The following SCAPER variants were observed in gnomAD, a reference collection of about 807,000 sequenced individuals.
SCAPER encodes S-phase cyclin A associated protein in the ER.
Under a neutral mutation model 182.2 loss-of-function variants are expected in SCAPER, and 98 were observed. The observed-to-expected ratio is 0.54, with a 90% confidence interval of 0.46 to 0.64. The LOEUF is 0.64. SCAPER is among the 30% of genes least tolerant of loss of function. The pLI is 0.00. For missense variants in SCAPER, 1,432 were observed against 1,690.0 expected, an observed-to-expected ratio of 0.85 and a Z score of 2.68; for synonymous variants, 605 against 564.6, an observed-to-expected ratio of 1.07 and a Z score of -1.01.
intron 15 of SCAPER, among the ~76,000 whole-genome samples, chr15:76,753,457 G>C (rs2062218633): frequency 6.6e-6 from 1 of 151,892 alleles, no homozygotes. Flanking sequence ...TTAGATAATA[G>C]AGTTGAATGA....
At chr15:76,865,827 TC>T (rs1161755184) in intron 2 of SCAPER, among the ~76,000 whole-genome samples, 2 of 152,264 alleles carry the variant, frequency 1.3e-5, no homozygotes, top group East Asian at 1.9e-4. Context: ...AATGTAAACA[TC>T]CGTACCCATA....
chr15:76,351,093 G>T (rs2040512782), intron 31 of SCAPER, 144 bp downstream of exon 31: 4 of 616,080 alleles, frequency 6.5e-6, no homozygotes, highest in Non-Finnish European at 1.1e-5. Context: ...TTTACTTACT[G>T]AAATATACTT....
intron 1 of SCAPER, among the ~76,000 whole-genome samples, chr15:76,889,492 G>A (rs1188015735): frequency 1.3e-5 from 2 of 151,764 alleles, no homozygotes; most frequent in Non-Finnish European, 2.9e-5. Context: ...CCAAGCAAAT[G>A]GAGAGCAAAA....
chr15:76,505,848 G>A (rs1357056569), intron 23 of SCAPER, among the ~76,000 whole-genome samples: 1 of 152,158 alleles, frequency 6.6e-6, no homozygotes, highest in Non-Finnish European at 1.5e-5. Flanking sequence ...CAACCTAAGT[G>A]TCCATCAGGA....
chr15:76,488,737 T>TGAGACGGAG (rs2051942500), intron 24 of SCAPER, among the ~76,000 whole-genome samples: 1 of 80,402 alleles, frequency 1.2e-5, no homozygotes, highest in African/African-American at 3.6e-5. Context: ...TTTTTTTTTT[T>TGAGACGGAG]TTTTTTGAGA....
In SCAPER at chr15:76,600,434, C is replaced by A. The variant is rs1358784693; in HGVS notation, c.2711+21330G>T. On this transcript the variant is annotated intron_variant, in intron 22 of 31. Transcript: ENST00000563290. ...GTGTGTGTGTGTGTGTGTGTGTATACATATACATATATATATATATTTTTT... is the reference window on the plus strand; with the variant it reads ...GTGTGTGTGTGTGTGTGTGTGTATAAATATACATATATATATATATTTTTT... 4.6e-4 allele frequency among the ~76,000 whole-genome samples: 34 copies of A among 73,598 alleles called. 9 individuals carry two copies. The highest frequency in any genetic ancestry group is 1.3e-3 in the Admixed American group (6 of 4,716). 48.3% of individuals were successfully genotyped at this position (73,598 alleles called of 152,430 possible). A position where few individuals can be genotyped will look rare whatever the true frequency, so the allele number is the denominator to read the frequency against.
chr15:76,719,112 T>C (rs577435932), intron 17 of SCAPER, among the ~76,000 whole-genome samples: 1 of 152,320 alleles, frequency 6.6e-6, no homozygotes, highest in East Asian at 1.9e-4. Context: ...ATGTTTCCTA[T>C]GGCATTATTC....
intron 22 of SCAPER, among the ~76,000 whole-genome samples, chr15:76,584,444 C>T (rs1472174039): frequency 6.7e-6 from 1 of 150,134 alleles, no homozygotes. Flanking sequence ...AGGATAAATG[C>T]TTCAGGTGGT....
intron 14 of SCAPER, among the ~76,000 whole-genome samples, chr15:76,762,815 T>C (rs1387280750): frequency 6.6e-6 from 1 of 152,008 alleles, no homozygotes; most frequent in Non-Finnish European, 1.5e-5. Context: ...TAACTGATAA[T>C]TTTTTTGTTG....
chr15:76,707,867 G>A (rs1174437451), intron 17 of SCAPER, among the ~76,000 whole-genome samples: 1 of 150,294 alleles, frequency 6.7e-6, no homozygotes, highest in East Asian at 2.0e-4. Context: ...CTCAATAAAT[G>A]TAAAAGCAAT....
intron 23 of SCAPER, among the ~76,000 whole-genome samples, chr15:76,536,402 C>T (rs1053097432): frequency 2.3e-4 from 35 of 152,134 alleles, no homozygotes; most frequent in African/African-American, 7.0e-4. Flanking sequence ...CTGCCACTTG[C>T]GGTGTGACCT....
At chr15:76,579,262 T>C (rs567835639) in intron 22 of SCAPER, among the ~76,000 whole-genome samples, 837 of 18,906 alleles carry the variant, frequency 0.044, 12 homozygotes, top group African/African-American at 0.096. Context: ...CGAGACTCTG[T>C]CTCAAAAAAA....
At chr15:76,399,684 A>C (rs2044320841) in intron 27 of SCAPER, among the ~76,000 whole-genome samples, 1 of 152,178 alleles carries the variant, frequency 6.6e-6, no homozygotes, top group Non-Finnish European at 1.5e-5. Context: ...ACAAATTCTG[A>C]CATCCAAATC....
chr15:76,757,348 TTC>T (rs370705900), intron 14 of SCAPER, among the ~76,000 whole-genome samples: 18 of 152,090 alleles, frequency 1.2e-4, no homozygotes, highest in African/African-American at 3.4e-4. Context: ...CATGCAGCAT[TTC>T]TCTCTCTCAT....
intron 5 of SCAPER, among the ~76,000 whole-genome samples, chr15:76,840,596 T>C (rs927598218): frequency 1.3e-5 from 2 of 152,184 alleles, no homozygotes; most frequent in Non-Finnish European, 2.9e-5. Flanking sequence ...AGAGGAAACA[T>C]AGCTGCTGTC....
chr15:76,510,384 A>C (rs1357649389), intron 23 of SCAPER, among the ~76,000 whole-genome samples: 1 of 152,158 alleles, frequency 6.6e-6, no homozygotes, highest in Non-Finnish European at 1.5e-5. Context: ...AAGAAAAATT[A>C]GCAAACAACA....
At chr15:76,538,043 G>A (rs1481173742) in intron 23 of SCAPER, among the ~76,000 whole-genome samples, 9 of 151,604 alleles carry the variant, frequency 5.9e-5, no homozygotes, top group Non-Finnish European at 1.0e-4. Flanking sequence ...TTTGAATGGT[G>A]ATCATTAAAA....
chr15:76,485,574 C>T (rs951876827), intron 24 of SCAPER, among the ~76,000 whole-genome samples: 4 of 152,022 alleles, frequency 2.6e-5, no homozygotes, highest in Admixed American at 6.6e-5. Flanking sequence ...GTCTGAGTAG[C>T]CCAGGCAATC....
At chr15:76,571,353 C>A (rs1282619637) in intron 23 of SCAPER, among the ~76,000 whole-genome samples, 2 of 151,970 alleles carry the variant, frequency 1.3e-5, no homozygotes. Context: ...ACAGAAGTGG[C>A]TTAAGATTTT....
Sources: allele counts gnomAD v4.1 joint callset (sites outside exome capture counted in the v4.1 genomes callset), GRCh38; gene constraint gnomAD v4.1.1; transcripts MANE v1.5; gene names NCBI Gene and HGNC (gene_info 2026-07-23, HGNC 2026-07-21).